The following TNKS1BP1 variants were observed in gnomAD, a reference collection of about 807,000 sequenced individuals.
TNKS1BP1 encodes CCR4-NOT transcription complex subunit 12, also known as 182 kDa tankyrase-1-binding protein.
A neutral mutation model predicts 141.1 loss-of-function variants in TNKS1BP1; 48 were observed. That is an observed-to-expected ratio of 0.34 (90% CI 0.27 to 0.43). The LOEUF (loss-of-function observed/expected upper bound fraction) is 0.43. Ranked by LOEUF, TNKS1BP1 falls within the 20% of genes least tolerant of loss-of-function variation. TNKS1BP1 has a pLI of 1.00. For synonymous variants in TNKS1BP1, 875 were observed against 898.2 expected (o/e 0.97, Z 0.46); for missense variants, 2,149 against 2,226.0 (o/e 0.97, Z 0.70).
chr11:57,301,005 C>G lies in TNKS1BP1; in HGVS notation c.5008G>C (p.Gly1670Arg), dbSNP rs1402886290. Reference protein sequence around the residue: ...LRPRNRSAEEGELAESKSSQK... With the variant: ...LRPRNRSAEERELAESKSSQK... ...CTCGACTTGCTCTCAGCCAGCTCTC[C>G]CTCCTCAGCTGAGCGATTCCGGGGG... Residue 1670 changes from glycine (G) to arginine (R), a missense_variant, in exon 10 of 12, where the codon GGA (glycine) becomes CGA (arginine). By Grantham distance (125) the Gly-to-Arg change is moderately radical (BLOSUM62 -2). Transcript: ENST00000358252. 4.3e-6 allele frequency: 7 copies of G among 1,613,946 alleles called. No individual in the cohort carries two copies. Among genetic ancestry groups the G allele is most frequent in the Non-Finnish European group, 8.5e-7 (1 of 1,179,930 alleles).
chr11:57,310,002 G>A lies in TNKS1BP1; in HGVS notation c.2709C>T (p.Asn903=), dbSNP rs769313015. ...SLGAYASQDA[N]EQGQDLGKRD... is the part of the protein sequence containing the mutation. ...TCTTCCCCAAATCTTGGCCCTGCTC[G>A]TTGGCATCTTGGCTGGCATAAGCAC... is the stretch of plus-strand genomic sequence containing the variant. Residue 903 remains asparagine (N), a synonymous_variant, in exon 6 of 12, where the codon AAC becomes AAT. Transcript: ENST00000358252. The A allele has an allele frequency of 4.9e-5, 79 of 1,613,900 alleles. No individual in the cohort carries two copies. Among genetic ancestry groups the A allele is most frequent in the African/African-American group, 1.3e-4 (10 of 74,892 alleles).
chr11:57,320,269 C>T lies in TNKS1BP1; in HGVS notation c.538G>A (p.Asp180Asn), dbSNP rs748049254. The change falls in exon 3 of 12, where the codon GAC becomes AAC. Residue 180 changes from aspartate (D) to asparagine (N), a missense_variant. Coordinates refer to ENST00000358252, the MANE Select transcript of TNKS1BP1 (RefSeq NM_033396.3). The stretch of plus-strand genomic sequence containing the variant: ...GTGAGGCGGGAACCCCACAGGCGGT[C>T]GGGGCTGGCAAGGACCTCCTTCCGA... ...QPRKEVLASPDRLWGSRLTFN... is the reference protein window; with the variant it reads ...QPRKEVLASPNRLWGSRLTFN... The T allele has an allele frequency of 3.7e-6, 6 of 1,614,072 alleles. No individual in the cohort carries two copies. Among genetic ancestry groups the T allele is most frequent in the South Asian group, 1.1e-5 (1 of 91,074 alleles).
rs1855550332 is a variant in TNKS1BP1 at position 57,302,892 on chromosome 11, T to C, written c.4317-67A>G. On this transcript the variant is annotated intron_variant, in intron 6 of 11. Transcript: ENST00000358252. The surrounding 1 kb of genome is among the most constrained non-coding windows in gnomAD (Gnocchi z 5.5). ...CCATCTCCCTGCCCTGAAGCCTACT[T>C]CACAAGCTCCTTCCCCCAGCCCCCA... is the stretch of plus-strand genomic sequence containing the variant. 2 of 1,430,594 alleles carry C rather than the reference T, an allele frequency of 1.4e-6. No homozygotes were observed. Among genetic ancestry groups the C allele is most frequent in the African/African-American group, 1.4e-5 (1 of 70,856 alleles). 88.6% of individuals were successfully genotyped at this position (1,430,594 alleles called of 1,614,324 possible).
chr11:57,321,744 T>TGCGGCCC, intron 2 of TNKS1BP1, 48 bp downstream of exon 2: 1 of 1,039,822 alleles, frequency 9.6e-7, no homozygotes, highest in Non-Finnish European at 1.5e-6. Context: ...CCTCTGTCCT[T>TGCGGCCC]CCCACCCCCC....
intron 2 of TNKS1BP1, among the ~76,000 whole-genome samples, chr11:57,321,355 T>C (rs535549217): frequency 1.3e-5 from 2 of 152,088 alleles, no homozygotes; most frequent in South Asian, 4.1e-4. Flanking sequence ...ACCTTCTATA[T>C]AAAGCTAAAT....
chr11:57,308,261 C>T (rs1855642861), intron 6 of TNKS1BP1, 134 bp downstream of exon 6: 12 of 1,298,682 alleles, frequency 9.2e-6, no homozygotes, highest in Non-Finnish European at 1.1e-5. Context: ...AATTCTTAGT[C>T]CAAAATGTCT....
intron 5 of TNKS1BP1, 30 bp downstream of exon 5, chr11:57,312,504 A>G: frequency 7.0e-7 from 1 of 1,429,836 alleles, no homozygotes. Context: ...CTGTCCCCAG[A>G]AGTCCCATTC....
intron 6 of TNKS1BP1, among the ~76,000 whole-genome samples, chr11:57,304,290 ATGAGTGGTAGTC>A (rs1187392513): frequency 6.6e-6 from 1 of 152,124 alleles, no homozygotes; most frequent in Non-Finnish European, 1.5e-5. Flanking sequence ...GAGAGAGAGC[ATGAGTGGTAGTC>A]TGTCCTTCCA....
chr11:57,301,104 TA>T, intron 9 of TNKS1BP1, 63 bp from the exon 10 acceptor site: 1 of 1,479,126 alleles, frequency 6.8e-7, no homozygotes, highest in South Asian at 1.3e-5. Flanking sequence ...TCTCAGGGGG[TA>T]AGACCTTATC....
intron 6 of TNKS1BP1, among the ~76,000 whole-genome samples, chr11:57,305,480 C>G (rs1855595315): frequency 6.6e-6 from 1 of 152,160 alleles, no homozygotes; most frequent in Non-Finnish European, 1.5e-5. Flanking sequence ...TATCCCACCC[C>G]ACCCTCCACC....
chr11:57,310,214 T>C lies in TNKS1BP1; in HGVS notation c.2497A>G (p.Thr833Ala). 6.2e-7 allele frequency: 1 copy of C among 1,614,170 alleles called. No individual in the cohort carries two copies. The highest frequency in any genetic ancestry group is 1.1e-5 in the South Asian group (1 of 91,082). Residue 833 changes from threonine to alanine, a missense_variant, in exon 6 of 12, where the codon ACT becomes GCT. Physicochemically the swap from Thr to Ala is moderately conservative, Grantham distance 58. Coordinates refer to ENST00000358252, the MANE Select transcript of TNKS1BP1 (RefSeq NM_033396.3). The stretch of plus-strand genomic sequence containing the variant: ...ACATCTGCCTCCTGGCTCCGCTGAG[T>C]GCCAAGCTGGGCTGGCTTTCCAACT... ...RVVGKPAQLG[T>A]QRSQEADVQD...
intron 5 of TNKS1BP1, 100 bp from the exon 6 acceptor site, chr11:57,310,656 C>T: frequency 6.9e-7 from 1 of 1,457,426 alleles, no homozygotes; most frequent in Non-Finnish European, 9.1e-7. Flanking sequence ...GCCTGAAAGC[C>T]CCACTTTGGC....
chr11:57,310,626 CAG>C, intron 5 of TNKS1BP1, 70 bp from the exon 6 acceptor site: 2 of 1,534,446 alleles, frequency 1.3e-6, no homozygotes, highest in Admixed American at 3.9e-5. Context: ...GTCAATCCAG[CAG>C]AGTCAGCGCT....
At chr11:57,308,048 C>A (rs989819688) in intron 6 of TNKS1BP1, among the ~76,000 whole-genome samples, 5 of 152,184 alleles carry the variant, frequency 3.3e-5, no homozygotes, top group Non-Finnish European at 1.5e-5. Flanking sequence ...GGCTGAGAGG[C>A]CTGGGGAACG....
At position 57,309,809 on chromosome 11, in the gene TNKS1BP1, T is replaced by C. The variant is rs764400443; in HGVS notation, c.2902A>G (p.Arg968Gly). Residue 968 changes from arginine to glycine, a missense_variant, in exon 6 of 12, where the codon AGG (arginine) becomes GGG (glycine). Physicochemically the swap from Arg to Gly is moderately radical, Grantham distance 125. Transcript: ENST00000358252. The surrounding 1 kb of genome is among the most constrained non-coding windows in gnomAD (Gnocchi z 4.3). ...CTTCTGTCCTGGGCGTCAAGGGTCC[T>C]GGAGCTGCCACCACTGCTGTAGTCC... ...IRDYSSGGSS[R>G]TLDAQDRSFG... 4.0e-5 allele frequency: 64 copies of C among 1,614,084 alleles called. No individual in the cohort carries two copies. Among genetic ancestry groups the C allele is most frequent in the Non-Finnish European group, 5.0e-5 (59 of 1,180,046 alleles).
intron 4 of TNKS1BP1, among the ~76,000 whole-genome samples, chr11:57,317,538 C>T (rs549680081): frequency 6.6e-6 from 1 of 152,334 alleles, no homozygotes; most frequent in Non-Finnish European, 1.5e-5. Flanking sequence ...CAGGACAGGC[C>T]CAGCACATAG....
In TNKS1BP1 at chr11:57,300,858, G is replaced by T. The variant is rs202060901; in HGVS notation, c.5129+26C>A. 3.7e-6 allele frequency: 6 copies of T among 1,606,976 alleles called. No individual in the cohort carries two copies. The African/African-American group carries it at 5.3e-5, about 14-fold the overall frequency. On this transcript the variant is annotated intron_variant, in intron 10 of 11. Coordinates refer to ENST00000358252, the MANE Select transcript of TNKS1BP1 (RefSeq NM_033396.3). ...ATCAGGGTAATACAGTGAGGTCAGC[G>T]GATGCCCAGAGCTTAGGTCACCTAC...
intron 2 of TNKS1BP1, 48 bp downstream of exon 2, chr11:57,321,744 T>TCCCCCCCCCCCCCCC: frequency 3.8e-6 from 4 of 1,039,820 alleles, no homozygotes; most frequent in South Asian, 1.3e-5. Context: ...CCTCTGTCCT[T>TCCCCCCCCCCCCCCC]CCCACCCCCC....
At chr11:57,324,697 C>T (rs971198031) in intron 1 of TNKS1BP1, 143 bp downstream of exon 1, 15 of 870,890 alleles carry the variant, frequency 1.7e-5, no homozygotes, top group Non-Finnish European at 2.1e-5. Context: ...CCCTCGGCCC[C>T]TGCAAACTTT....
Sources: allele counts gnomAD v4.1 joint callset (sites outside exome capture counted in the v4.1 genomes callset), GRCh38; gene constraint gnomAD v4.1.1; non-coding constraint Gnocchi (gnomAD v3.1); transcripts MANE v1.5; gene names NCBI Gene and HGNC (gene_info 2026-07-23, HGNC 2026-07-21).